PTPRN2: variants seen among roughly 807,000 people sequenced by gnomAD.
PTPRN2 encodes receptor-type tyrosine-protein phosphatase N2.
A neutral mutation model predicts 118.8 loss-of-function variants in PTPRN2; 74 were observed. The observed-to-expected ratio is 0.62, with a 90% CI of 0.52 to 0.76. The LOEUF is 0.76. Among genes scored for constraint, PTPRN2 ranks in the 30% least tolerant of loss-of-function variants. PTPRN2 has a pLI of 0.00. For missense variants in PTPRN2, 1,481 were observed against 1,394.4 expected (o/e 1.06, Z -0.99); for synonymous variants, 641 against 608.0 (o/e 1.05, Z -0.80).
intron 12 of PTPRN2, among the ~76,000 whole-genome samples, chr7:157,859,712 C>T (rs564134778): frequency 3.6e-4 from 22 of 61,206 alleles, no homozygotes; most frequent in South Asian, 7.8e-4. Context: ...GGGAGAGCCC[C>T]GTCACCACCC....
intron 3 of PTPRN2, among the ~76,000 whole-genome samples, chr7:158,210,093 GAA>G (rs1417431363): frequency 7.0e-6 from 1 of 143,782 alleles, no homozygotes; most frequent in African/African-American, 2.6e-5. Context: ...ACTACATCGA[GAA>G]AAAAGAGAAT....
chr7:157,911,883 A>C (rs944021126), intron 11 of PTPRN2, among the ~76,000 whole-genome samples: 5 of 151,872 alleles, frequency 3.3e-5, no homozygotes, highest in Non-Finnish European at 7.4e-5. Flanking sequence ...GTGTTCTGAG[A>C]CTCAGATTCG....
chr7:158,165,225 C>G (rs1270626122), intron 6 of PTPRN2, among the ~76,000 whole-genome samples: 2 of 147,168 alleles, frequency 1.4e-5, no homozygotes, highest in Non-Finnish European at 3.0e-5. Flanking sequence ...GTCTAGTACC[C>G]ACGCAAGTGC....
At chr7:157,834,159 A>G (rs992536435) in intron 12 of PTPRN2, among the ~76,000 whole-genome samples, 2 of 125,224 alleles carry the variant, frequency 1.6e-5, no homozygotes, top group Non-Finnish European at 3.4e-5. Flanking sequence ...CCACCCACCA[A>G]TCAGTGAGCC....
intron 2 of PTPRN2, among the ~76,000 whole-genome samples, chr7:158,482,504 G>A (rs1820717608): frequency 1.3e-5 from 2 of 152,198 alleles, no homozygotes; most frequent in African/African-American, 4.8e-5. Flanking sequence ...TGAAAGCTCA[G>A]GTGATCATTA....
At position 158,517,149 on chromosome 7, in the gene PTPRN2, G is replaced by A. The variant is rs1292889566; in HGVS notation, c.113-27364C>T. On this transcript the variant is annotated intron_variant, in intron 1 of 22. Coordinates refer to ENST00000389418, the MANE Select transcript of PTPRN2 (RefSeq NM_002847.5). The surrounding 1 kb of genome is among the most constrained non-coding windows in gnomAD (Gnocchi z 5.3). Reference sequence around the variant, plus strand: ...CAGCAGGACAGAACAGTACAACGCTGGTTCCACAGTGTGGTCCTCACTGAA... The same window carrying A: ...CAGCAGGACAGAACAGTACAACGCTAGTTCCACAGTGTGGTCCTCACTGAA... Among the ~76,000 whole-genome samples, 1 of 152,200 alleles carries A rather than the reference G, an allele frequency of 6.6e-6. No individual in the cohort carries two copies. The highest frequency in any genetic ancestry group is 2.4e-5 in the African/African-American group (1 of 41,442).
At chr7:158,054,467 G>A (rs371151419) in intron 11 of PTPRN2, among the ~76,000 whole-genome samples, 18 of 152,226 alleles carry the variant, frequency 1.2e-4, no homozygotes, top group East Asian at 5.8e-4. Flanking sequence ...CACATTTACC[G>A]GCTGTTTTTG....
At chr7:158,257,774 T>C (rs1211636072) in intron 3 of PTPRN2, among the ~76,000 whole-genome samples, 3 of 152,214 alleles carry the variant, frequency 2.0e-5, no homozygotes. Flanking sequence ...ACTGCCCTGA[T>C]GATGAGAATC....
chr7:157,937,640 C>G (rs575878411), intron 11 of PTPRN2, among the ~76,000 whole-genome samples: 1 of 152,218 alleles, frequency 6.6e-6, no homozygotes, highest in Non-Finnish European at 1.5e-5. Flanking sequence ...TGCAAAGGTT[C>G]TGCCCCGGAC....
intron 14 of PTPRN2, among the ~76,000 whole-genome samples, chr7:157,641,575 G>C (rs371494505): frequency 1.3e-5 from 2 of 152,146 alleles, no homozygotes; most frequent in African/African-American, 4.8e-5. Flanking sequence ...AGAGTTCACA[G>C]GATGTAATGC....
intron 11 of PTPRN2, among the ~76,000 whole-genome samples, chr7:157,994,717 A>G (rs1425206761): frequency 5.7e-3 from 363 of 63,500 alleles, no homozygotes; most frequent in Non-Finnish European, 7.8e-3. Context: ...CCTAAAATCA[A>G]CGCCGTGTCC....
intron 12 of PTPRN2, among the ~76,000 whole-genome samples, chr7:157,747,702 C>T (rs1398885643): frequency 7.4e-6 from 1 of 134,410 alleles, no homozygotes. Context: ...AGGCCTGCGT[C>T]TCTCAGCTGT....
chr7:158,499,609 A>G (rs1822201703), intron 1 of PTPRN2, among the ~76,000 whole-genome samples: 1 of 152,204 alleles, frequency 6.6e-6, no homozygotes, highest in Non-Finnish European at 1.5e-5. Flanking sequence ...AGTCTCTACT[A>G]AAAAATACAA....
chr7:158,139,430 G>C lies in PTPRN2; in HGVS notation c.911-915C>G, dbSNP rs536827776. 2.0e-5 allele frequency among the ~76,000 whole-genome samples: 3 copies of C among 152,208 alleles called. No homozygotes were observed. In the South Asian group the frequency reaches 6.2e-4, roughly 32 times the overall value. ...GATCATCGTTGGAAGAACAGAATGG[G>C]AGACGTTCTGCAGAACCTCAGTCAC... is the stretch of plus-strand genomic sequence containing the variant. On this transcript the variant is annotated intron_variant, in intron 6 of 22. Transcript: ENST00000389418.
At position 157,819,981 on chromosome 7, in the gene PTPRN2, C is replaced by T. The variant is rs57793900; in HGVS notation, c.1788+78692G>A. 9.9e-5 allele frequency among the ~76,000 whole-genome samples: 15 copies of T among 151,556 alleles called. No homozygotes were observed. In the East Asian group the frequency reaches 2.7e-3, roughly 27 times the overall value. On this transcript the variant is annotated intron_variant, in intron 12 of 22. Coordinates refer to ENST00000389418, the MANE Select transcript of PTPRN2 (RefSeq NM_002847.5). Reference sequence around the variant, plus strand: ...GCAGACCCAAACACGTTCACACGCACAACACACCCACACACACAGAGGCAC... The same window carrying T: ...GCAGACCCAAACACGTTCACACGCATAACACACCCACACACACAGAGGCAC...
Position 157,909,747 on chromosome 7 carries a change from A to G in PTPRN2, c.1724-11010T>C, listed in dbSNP as rs574107962. On this transcript the variant is annotated intron_variant, in intron 11 of 22. Transcript: ENST00000389418. Reference sequence around the variant, plus strand: ...ATCCAGCTTCATTCTTTCCCAAAACATTTATCACCCTCTGACATGATGCAT... The same window carrying G: ...ATCCAGCTTCATTCTTTCCCAAAACGTTTATCACCCTCTGACATGATGCAT... Among the ~76,000 whole-genome samples, 249 of 152,250 alleles carry G rather than the reference A, an allele frequency of 1.6e-3. 3 individuals are homozygous for G. Among genetic ancestry groups the G allele is most frequent in the Non-Finnish European group, 2.7e-3 (183 of 68,004 alleles).
intron 2 of PTPRN2, among the ~76,000 whole-genome samples, chr7:158,458,101 C>T (rs1185316853): frequency 2.6e-5 from 4 of 152,182 alleles, no homozygotes; most frequent in South Asian, 2.1e-4. Flanking sequence ...TTCCATTATG[C>T]GTCCCTCAGT....
rs117215581 is a variant in PTPRN2, at chr7:157,643,065, T to C, written c.2196+13292A>G. Among the ~76,000 whole-genome samples the C allele has an allele frequency of 9.3e-3, 1,415 of 152,276 alleles. 10 individuals carry two copies. Among genetic ancestry groups the C allele is most frequent in the South Asian group, 0.022 (107 of 4,822 alleles). On this transcript the variant is annotated intron_variant, in intron 14 of 22. Transcript: ENST00000389418. ...TGGGGCTATGGCAGGATAAACCTCT[T>C]TGGAGTTGAAAATATCATTAAGTCA...
chr7:158,130,274 T>G lies in PTPRN2; in HGVS notation c.1556+3403A>C, dbSNP rs539813873. ...CAGCTCCCACCTCCAGTGCGAATGATCCTCAAAATAAGAGGTACTTCTTCA... is the reference window on the plus strand; with the variant it reads ...CAGCTCCCACCTCCAGTGCGAATGAGCCTCAAAATAAGAGGTACTTCTTCA... On this transcript the variant is annotated intron_variant, in intron 9 of 22. Transcript: ENST00000389418. Among the ~76,000 whole-genome samples, 12 of 152,270 alleles carry G rather than the reference T, an allele frequency of 7.9e-5. No homozygotes were observed. The South Asian group carries it at 8.3e-4, about 11-fold the overall frequency.
Sources: allele counts gnomAD v4.1 joint callset (sites outside exome capture counted in the v4.1 genomes callset), GRCh38; gene constraint gnomAD v4.1.1; non-coding constraint Gnocchi (gnomAD v3.1); transcripts MANE v1.5; gene names NCBI Gene and HGNC (gene_info 2026-07-23, HGNC 2026-07-21).